TOMM7: variants seen among roughly 807,000 people sequenced by gnomAD.
TOMM7 encodes the protein translocase of outer mitochondrial membrane 7, also known as mitochondrial import receptor subunit TOM7 homolog.
Under a neutral mutation model 9.5 loss-of-function variants are expected in TOMM7, and 8 were observed. The ratio of observed to expected loss-of-function variants is 0.84; its 90% CI spans 0.49 to 1.51. The LOEUF is 1.51. TOMM7 is among the 40% of genes most tolerant of loss of function. The probability of loss-of-function intolerance (pLI) is 0.00; values close to 1 mark genes in which losing one functional copy is unlikely to be tolerated. For synonymous variants in TOMM7, 27 were observed against 21.4 expected, an observed-to-expected ratio of 1.26 and a Z score of -0.72; for missense variants, 74 against 63.7, an observed-to-expected ratio of 1.16 and a Z score of -0.55.
chr7:22,820,235 G>A (rs1350646947), intron 1 of TOMM7, among the ~76,000 whole-genome samples: 3 of 152,196 alleles, frequency 2.0e-5, no homozygotes, highest in African/African-American at 7.2e-5. Context: ...AAAAGACAAT[G>A]ATAGACAAGT....
intron 2 of TOMM7, among the ~76,000 whole-genome samples, chr7:22,813,830 G>A: frequency 9.8e-6 from 1 of 102,476 alleles, no homozygotes; most frequent in African/African-American, 4.8e-5. Flanking sequence ...GGAGAAAAGA[G>A]ATGGTTTCAT....
intron 2 of TOMM7, 60 bp from the exon 3 acceptor site, chr7:22,813,245 T>C (rs1208480681): frequency 7.2e-6 from 11 of 1,525,048 alleles, no homozygotes; most frequent in Non-Finnish European, 5.4e-6. Flanking sequence ...CTTCTAGACA[T>C]AACCTAAGAC....
chr7:22,821,239 G>A (rs543617639), intron 1 of TOMM7, among the ~76,000 whole-genome samples: 1 of 151,762 alleles, frequency 6.6e-6, no homozygotes, highest in African/African-American at 2.4e-5. Flanking sequence ...GTGAAACCCC[G>A]TTTCTAGTAA....
At chr7:22,822,016 A>C (rs978213052) in intron 1 of TOMM7, 67 of 1,097,630 alleles carry the variant, frequency 6.1e-5, no homozygotes, top group Non-Finnish European at 8.0e-5. Context: ...AAAAACCAAA[A>C]AAACCCCAAA....
At position 22,817,439 on chromosome 7, in the gene TOMM7, C is replaced by T. The variant is rs114290656; in HGVS notation, c.152+561G>A. 2.2e-3 allele frequency: 377 copies of T among 174,488 alleles called. 1 individual carries two copies. The highest frequency in any genetic ancestry group is 8.6e-3 in the African/African-American group (359 of 41,628). The allele number at this position is 174,488 out of a possible 1,614,324, so 10.8% of individuals were successfully genotyped here. On this transcript the variant is annotated intron_variant, in intron 2 of 2. Coordinates refer to ENST00000358435, the MANE Select transcript of TOMM7 (RefSeq NM_019059.5). ...TTTTTTTTTTGGTAGAGATGGGTCTCGCTACGTTGCCCAGGCTGGTCTTGA... is the reference window on the plus strand; with the variant it reads ...TTTTTTTTTTGGTAGAGATGGGTCTTGCTACGTTGCCCAGGCTGGTCTTGA...
At chr7:22,814,961 G>C (rs1189130346) in intron 2 of TOMM7, among the ~76,000 whole-genome samples, 2 of 152,196 alleles carry the variant, frequency 1.3e-5, no homozygotes, top group Non-Finnish European at 2.9e-5. Context: ...TCAGAGTACA[G>C]ATTAGGCAGC....
intron 1 of TOMM7, among the ~76,000 whole-genome samples, chr7:22,821,608 G>C (rs1435556382): frequency 6.6e-6 from 1 of 151,792 alleles, no homozygotes; most frequent in Admixed American, 6.6e-5. Flanking sequence ...CATTAGCCGC[G>C]AGCGGTGGCT....
In TOMM7 at chr7:22,822,830, G is replaced by C. The variant is rs754331737; in HGVS notation, c.-51C>G. 1.5e-5 allele frequency: 23 copies of C among 1,495,922 alleles called. No individual in the cohort carries two copies. The highest frequency in any genetic ancestry group is 3.4e-5 in the South Asian group (3 of 88,596). 92.7% of individuals were successfully genotyped at this position (1,495,922 alleles called of 1,614,324 possible). On this transcript the variant is annotated 5_prime_UTR_variant, in exon 1 of 3. Transcript: ENST00000358435. The stretch of plus-strand genomic sequence containing the variant: ...GACCCCTTACAGCAACCACAGCGTC[G>C]GGAATCCGAAAGGGAAAGGAGGTGC...
chr7:22,820,846 T>A (rs1256809749), intron 1 of TOMM7, among the ~76,000 whole-genome samples: 1 of 152,198 alleles, frequency 6.6e-6, no homozygotes, highest in Non-Finnish European at 1.5e-5. Context: ...GAGAAAAACG[T>A]CTTTTTAAGT....
In TOMM7 at chr7:22,817,065, T is replaced by C. The variant is rs998994826; in HGVS notation, c.152+935A>G. On this transcript the variant is annotated intron_variant, in intron 2 of 2. Transcript: ENST00000358435. ...CTGTGAGGGCAACCCACAAGAGATG[T>C]CTGAGACAGGATCAAGGAGAAATCC... 2.6e-5 allele frequency among the ~76,000 whole-genome samples: 4 copies of C among 152,194 alleles called. No individual in the cohort carries two copies. In the South Asian group the frequency reaches 8.3e-4, roughly 32 times the overall value.
intron 1 of TOMM7, chr7:22,822,170 GT>G: frequency 6.4e-7 from 1 of 1,550,676 alleles, no homozygotes; most frequent in Non-Finnish European, 8.7e-7. Context: ...AATGGGGGCA[GT>G]AATAGAAATC....
chr7:22,818,134 T>C, intron 1 of TOMM7, 86 bp from the exon 2 acceptor site: 1 of 1,290,000 alleles, frequency 7.8e-7, no homozygotes, highest in East Asian at 2.4e-5. Flanking sequence ...TTCTTCTTTG[T>C]AATCCAACCT....
chr7:22,822,280 G>A, intron 1 of TOMM7: 2 of 1,548,876 alleles, frequency 1.3e-6, no homozygotes, highest in South Asian at 2.4e-5. Flanking sequence ...GAGGTGTCTC[G>A]ATTCCCTGAA....
At chr7:22,819,024 G>T (rs1044463192) in intron 1 of TOMM7, among the ~76,000 whole-genome samples, 2 of 152,068 alleles carry the variant, frequency 1.3e-5, no homozygotes, top group Admixed American at 6.6e-5. Context: ...TGGAGGGCGG[G>T]GGGGTTGGCG....
At position 22,822,844 on chromosome 7, in the gene TOMM7, G is replaced by GA. The variant is rs1782415601; in HGVS notation, c.-66dup. ...ACCACAGCGTCGGGAATCCGAAAGG[G>GA]AAAGGAGGTGCGCAGGCGCCACACA... On this transcript the variant is annotated 5_prime_UTR_variant, in exon 1 of 3. Transcript: ENST00000358435. 7.3e-7 allele frequency: 1 copy of GA among 1,363,666 alleles called. No individual in the cohort carries two copies. The highest frequency in any genetic ancestry group is 1.0e-6 in the Non-Finnish European group (1 of 953,952). 84.5% of individuals were successfully genotyped at this position (1,363,666 alleles called of 1,614,324 possible).
At chr7:22,816,638 G>T (rs940564034) in intron 2 of TOMM7, among the ~76,000 whole-genome samples, 4 of 152,172 alleles carry the variant, frequency 2.6e-5, no homozygotes, top group Non-Finnish European at 5.9e-5. Context: ...CTGCAGAAGT[G>T]AACAATTTGA....
At chr7:22,820,362 T>A (rs975318265) in intron 1 of TOMM7, among the ~76,000 whole-genome samples, 4 of 152,108 alleles carry the variant, frequency 2.6e-5, no homozygotes, top group Admixed American at 6.5e-5. Context: ...AAATGAAAGA[T>A]AAACTCTAGT....
Position 22,813,928 on chromosome 7 carries a change from A to T in TOMM7, c.153-743T>A, listed in dbSNP as rs183548232. On this transcript the variant is annotated intron_variant, in intron 2 of 2. Coordinates refer to ENST00000358435, the MANE Select transcript of TOMM7 (RefSeq NM_019059.5). ...TGACAGTTTTGTAAAGTTTATTTTT[A>T]AAAAATATTTTCCCTGTGCCTAAGA... is the stretch of plus-strand genomic sequence containing the variant. 3.8e-3 allele frequency among the ~76,000 whole-genome samples: 440 copies of T among 115,790 alleles called. 1 individual carries two copies. Among genetic ancestry groups the T allele is most frequent in the African/African-American group, 0.016 (411 of 25,816 alleles). 76.0% of individuals were successfully genotyped at this position (115,790 alleles called of 152,430 possible). A position where few individuals can be genotyped will look rare whatever the true frequency, so the allele number is the denominator to read the frequency against.
Position 22,822,815 on chromosome 7 carries a change from A to T in TOMM7, c.-36T>A, listed in dbSNP as rs1479322842. On this transcript the variant is annotated 5_prime_UTR_variant, in exon 1 of 3. Coordinates refer to ENST00000358435, the MANE Select transcript of TOMM7 (RefSeq NM_019059.5). ...GTGTGGCGCAGGGAGGACCCCTTAC[A>T]GCAACCACAGCGTCGGGAATCCGAA... is the stretch of plus-strand genomic sequence containing the variant. 1 of 1,539,802 alleles carries T rather than the reference A, an allele frequency of 6.5e-7. No homozygotes were observed.
Sources: allele counts gnomAD v4.1 joint callset (sites outside exome capture counted in the v4.1 genomes callset), GRCh38; gene constraint gnomAD v4.1.1; transcripts MANE v1.5; gene names NCBI Gene and HGNC (gene_info 2026-07-23, HGNC 2026-07-21).